ATXN2L: variants seen among roughly 807,000 people sequenced by gnomAD.
ATXN2L encodes the protein ataxin 2 like.
A neutral mutation model predicts 120.7 loss-of-function variants in ATXN2L; 24 were observed. The observed-to-expected ratio is 0.20, with a 90% CI of 0.14 to 0.28. The LOEUF is 0.28. Ranked by LOEUF, ATXN2L falls within the 10% of genes least tolerant of loss-of-function variation. The pLI is 1.00. For missense variants in ATXN2L, 1,312 were observed against 1,432.3 expected, an observed-to-expected ratio of 0.92 and a Z score of 1.36; for synonymous variants, 653 against 568.1, an observed-to-expected ratio of 1.15 and a Z score of -2.13.
chr16:28,833,349 T>A lies in ATXN2L; in HGVS notation c.1950T>A (p.Val650=). ...GAGAAGACAAAGATGAGGGCCCTGT[T>A]GCTGAGTGAGTGGAGCGGGGTGGGG... ...IKGEDKDEGP[V]AEQVKKSTLN... Residue 650 remains valine (V), a synonymous_variant, in exon 14 of 22, where the codon GTT becomes GTA. Coordinates refer to ENST00000336783, the MANE Select transcript of ATXN2L (RefSeq NM_007245.4). 4.3e-6 allele frequency: 7 copies of A among 1,613,228 alleles called. No homozygotes were observed. The highest frequency in any genetic ancestry group is 5.9e-6 in the Non-Finnish European group (7 of 1,179,294).
chr16:28,830,079 G>C (rs1318206946), intron 8 of ATXN2L, 21 bp downstream of exon 8: 1 of 1,597,058 alleles, frequency 6.3e-7, no homozygotes, highest in Non-Finnish European at 8.6e-7. Context: ...CAAACAGCCA[G>C]GACTACTTGG....
chr16:28,824,610 A>C, intron 1 of ATXN2L: 1 of 1,234,778 alleles, frequency 8.1e-7, no homozygotes, highest in Non-Finnish European at 1.1e-6. Context: ...CCCTCCTCCC[A>C]CAGTTTTGAG....
chr16:28,826,726 CT>C (rs2052202519), intron 5 of ATXN2L, 135 bp from the exon 6 acceptor site: 12 of 1,109,518 alleles, frequency 1.1e-5, no homozygotes, highest in Non-Finnish European at 1.3e-5. Context: ...CCTGGCCATC[CT>C]AACACACGGG....
At chr16:28,832,085 A>AT in intron 10 of ATXN2L, 120 bp from the exon 11 acceptor site, 5 of 1,087,960 alleles carry the variant, frequency 4.6e-6, no homozygotes, top group Non-Finnish European at 5.3e-6. Flanking sequence ...GCTTCTAGAC[A>AT]TTTAAGTTGG....
At position 28,832,876 on chromosome 16, in the gene ATXN2L, G is replaced by A; in HGVS notation, c.1648G>A (p.Ala550Thr). ...ACTGGAAGAACTGAGAAAGTTTGGG[G>A]CCCAGTTTAAGGTGAGAGAAGAGTG... The part of the protein sequence containing the change: ...FQLEELRKFG[A>T]QFKLQPSSSP... The change falls in exon 13 of 22, where the codon GCC becomes ACC. Residue 550 changes from alanine (A) to threonine (T), a missense_variant. Coordinates refer to ENST00000336783, the MANE Select transcript of ATXN2L (RefSeq NM_007245.4). 1 of 1,614,174 alleles carries A rather than the reference G, an allele frequency of 6.2e-7. No homozygotes were observed. The highest frequency in any genetic ancestry group is 8.5e-7 in the Non-Finnish European group (1 of 1,180,022).
chr16:28,824,552 G>T, intron 1 of ATXN2L: 1 of 1,286,152 alleles, frequency 7.8e-7, no homozygotes, highest in African/African-American at 1.5e-5. Context: ...AGTGGGTAAC[G>T]GGCTGAATGA....
intron 10 of ATXN2L, 71 bp from the exon 11 acceptor site, chr16:28,832,134 T>G: frequency 1.3e-6 from 2 of 1,526,952 alleles, no homozygotes; most frequent in Non-Finnish European, 1.8e-6. Context: ...TCTTGCTGTT[T>G]TGAGTAAGGC....
intron 9 of ATXN2L, 49 bp from the exon 10 acceptor site, chr16:28,830,913 T>C (rs775869988): frequency 6.7e-7 from 1 of 1,485,188 alleles, no homozygotes. Context: ...TAATAGGTCG[T>C]CTGCCTCCTG....
chr16:28,826,817 T>C, intron 5 of ATXN2L, 45 bp from the exon 6 acceptor site: 1 of 1,494,384 alleles, frequency 6.7e-7, no homozygotes, highest in Non-Finnish European at 9.0e-7. Context: ...GAAAGAAGTC[T>C]GTGAAATATA....
In ATXN2L at chr16:28,836,793, C is replaced by T. The variant is rs139800317; in HGVS notation, c.*528C>T. The T allele has an allele frequency of 5.0e-5, 80 of 1,613,902 alleles. No individual in the cohort carries two copies. The highest frequency in any genetic ancestry group is 3.5e-4 in the African/African-American group (26 of 74,980). ...GGGGAACTGAAGATTGTCCTGGCCG[C>T]GACCTGAGACCTCCATGAGTGGAGG... On this transcript the variant is annotated 3_prime_UTR_variant, in exon 22 of 22. Transcript: ENST00000336783.
In ATXN2L at chr16:28,825,317, T is replaced by C. The variant is rs186741705; in HGVS notation, c.300-49T>C. ...GGATTTAACATTAATTTCATAGTGG[T>C]CTAAGAGGGCTTGAACAGACTTAAG... On this transcript the variant is annotated intron_variant, in intron 1 of 21. Coordinates refer to ENST00000336783, the MANE Select transcript of ATXN2L (RefSeq NM_007245.4). 1.2e-5 allele frequency: 19 copies of C among 1,563,910 alleles called. No homozygotes were observed. The East Asian group carries it at 2.7e-4, about 22-fold the overall frequency.
intron 4 of ATXN2L, 131 bp downstream of exon 4, chr16:28,825,972 G>A: frequency 1.0e-6 from 1 of 957,090 alleles, no homozygotes; most frequent in Non-Finnish European, 1.6e-6. Flanking sequence ...GTGCTGAATA[G>A]TGCTGCAGGG....
At chr16:28,824,419 G>C (rs574120616) in intron 1 of ATXN2L, 157 of 1,282,090 alleles carry the variant, frequency 1.2e-4, no homozygotes, top group Non-Finnish European at 1.6e-4. Flanking sequence ...GAGGCCTCCC[G>C]GTGGATGGCT....
intron 10 of ATXN2L, among the ~76,000 whole-genome samples, chr16:28,831,909 A>G (rs1310948583): frequency 6.6e-6 from 1 of 152,214 alleles, no homozygotes; most frequent in Non-Finnish European, 1.5e-5. Flanking sequence ...AATAGAAGCC[A>G]TAGAAAATTT....
chr16:28,826,635 G>C, intron 5 of ATXN2L: 1 of 607,366 alleles, frequency 1.6e-6, no homozygotes, highest in East Asian at 2.9e-5. Context: ...TATTTTCTTT[G>C]CTTGGTTTTT....
chr16:28,824,672 T>C lies in ATXN2L; in HGVS notation c.300-694T>C, dbSNP rs569507609. ...TTTTCTGTTTGGGAGGTAATGTACC[T>C]GAGCTAGGTAGTTCCAAAGCTGCAC... On this transcript the variant is annotated intron_variant, in intron 1 of 21. Coordinates refer to ENST00000336783, the MANE Select transcript of ATXN2L (RefSeq NM_007245.4). The C allele has an allele frequency of 9.0e-6, 9 of 995,828 alleles. No individual in the cohort carries two copies. The East Asian group carries it at 5.5e-4, about 61-fold the overall frequency. The allele number at this position is 995,828 out of a possible 1,614,324, so 61.7% of individuals were successfully genotyped here.
chr16:28,824,416 C>T (rs749642458), intron 1 of ATXN2L: 337 of 1,281,440 alleles, frequency 2.6e-4, no homozygotes, highest in Non-Finnish European at 3.3e-4. Context: ...GGCGAGGCCT[C>T]CCGGTGGATG....
chr16:28,828,730 T>C (rs765389266), intron 6 of ATXN2L, among the ~76,000 whole-genome samples: 1 of 152,008 alleles, frequency 6.6e-6, no homozygotes, highest in Non-Finnish European at 1.5e-5. Context: ...GTTTTTGTTG[T>C]AGTTGTTTGT....
chr16:28,832,138 G>C, intron 10 of ATXN2L, 67 bp from the exon 11 acceptor site: 1 of 1,545,910 alleles, frequency 6.5e-7, no homozygotes, highest in East Asian at 2.3e-5. Flanking sequence ...GCTGTTTTGA[G>C]TAAGGCCCTT....
Sources: allele counts gnomAD v4.1 joint callset (sites outside exome capture counted in the v4.1 genomes callset), GRCh38; gene constraint gnomAD v4.1.1; transcripts MANE v1.5; gene names NCBI Gene and HGNC (gene_info 2026-07-23, HGNC 2026-07-21).